Variants in ARHGEF26 observed in about 807,000 individuals in gnomAD.
ARHGEF26 encodes the protein Rho guanine nucleotide exchange factor 26, also known as Rho guanine nucleotide exchange factor (GEF) 26.
Under a neutral mutation model 89.4 loss-of-function variants are expected in ARHGEF26, and 59 were observed. That is an observed-to-expected ratio of 0.66 (90% CI 0.54 to 0.82). The LOEUF (loss-of-function observed/expected upper bound fraction) is 0.82, where lower values mean the gene tolerates loss of function less well. Ranked by LOEUF, ARHGEF26 falls within the 40% of genes least tolerant of loss-of-function variation. ARHGEF26 has a pLI of 0.00. For synonymous variants in ARHGEF26, 500 were observed against 428.4 expected, an observed-to-expected ratio of 1.17 and a Z score of -2.06; for missense variants, 1,234 against 1,085.6, an observed-to-expected ratio of 1.14 and a Z score of -1.92.
chr3:154,125,686 T>C lies in ARHGEF26; in HGVS notation c.1123+1237T>C, dbSNP rs148533793. On this transcript the variant is annotated intron_variant, in intron 3 of 14. Transcript: ENST00000465093. ...TTAGATTTTTTTTGAAGTCAGAGAG[T>C]AGACTTCATTATAACTAGTTTTACG... is the stretch of plus-strand genomic sequence containing the variant. 5.3e-4 allele frequency among the ~76,000 whole-genome samples: 80 copies of C among 152,218 alleles called. 1 individual carries two copies. The East Asian group carries it at 0.013, about 24-fold the overall frequency.
chr3:154,229,460 A>T (rs562590630), intron 11 of ARHGEF26, among the ~76,000 whole-genome samples: 1 of 152,200 alleles, frequency 6.6e-6, no homozygotes, highest in Admixed American at 6.5e-5. Context: ...AAAAGGATAC[A>T]TGATTGATTA....
At chr3:154,254,217 A>G (rs1393713181) in intron 13 of ARHGEF26, among the ~76,000 whole-genome samples, 1 of 152,196 alleles carries the variant, frequency 6.6e-6, no homozygotes, top group Non-Finnish European at 1.5e-5. Flanking sequence ...GCCCGGCCAC[A>G]TGTCAGCATT....
chr3:154,249,216 CCTGT>C (rs1361324894), intron 12 of ARHGEF26, among the ~76,000 whole-genome samples: 1 of 152,176 alleles, frequency 6.6e-6, no homozygotes, highest in Non-Finnish European at 1.5e-5. Context: ...CACCTGCAGC[CCTGT>C]CTCTGTGATT....
At chr3:154,214,820 C>G (rs1715616059) in intron 9 of ARHGEF26, among the ~76,000 whole-genome samples, 1 of 152,146 alleles carries the variant, frequency 6.6e-6, no homozygotes, top group African/African-American at 2.4e-5. Context: ...TTGCTCCTGT[C>G]TCACACCTAG....
Position 154,228,441 on chromosome 3 carries a change from TTTTTTTTTCTTTTTC to T in ARHGEF26, c.2090+2455_2090+2469del, listed in dbSNP as rs1384463866. On this transcript the variant is annotated intron_variant, in intron 11 of 14. Coordinates refer to ENST00000465093, the MANE Select transcript of ARHGEF26 (RefSeq NM_015595.4). ...CGTGAGCCACCGCACCTGGCCTTTT[TTTTTTTTTCTTTTTC>T]TTTTTTTTCTTTTTCTTTTTTTTAA... 1.1e-3 allele frequency among the ~76,000 whole-genome samples: 172 copies of T among 151,818 alleles called. 1 individual carries two copies. Among genetic ancestry groups the T allele is most frequent in the East Asian group, 3.9e-3 (20 of 5,164 alleles).
intron 12 of ARHGEF26, among the ~76,000 whole-genome samples, chr3:154,249,741 T>C (rs1020539124): frequency 1.3e-5 from 2 of 152,212 alleles, no homozygotes; most frequent in African/African-American, 2.4e-5. Flanking sequence ...AAAGTTGATA[T>C]GCCACAGATG....
intron 6 of ARHGEF26, among the ~76,000 whole-genome samples, chr3:154,154,443 T>G: frequency 6.6e-6 from 1 of 152,014 alleles, no homozygotes; most frequent in Non-Finnish European, 1.5e-5. Context: ...CCATAGACAC[T>G]CCAAATTTAT....
In ARHGEF26 at chr3:154,256,971, CTGTTCTA is replaced by C; in HGVS notation, c.*1500_*1506del. The stretch of plus-strand genomic sequence containing the variant: ...TTTTACTGGCAGCTATATTCCCTCT[CTGTTCTA>C]TTTGCTTTAACAAAGGGATAAAACC... On this transcript the variant is annotated 3_prime_UTR_variant, in exon 15 of 15. Transcript: ENST00000465093. The C allele has an allele frequency of 6.5e-7, 1 of 1,528,074 alleles. No individual in the cohort carries two copies. Among genetic ancestry groups the C allele is most frequent in the South Asian group, 1.2e-5 (1 of 82,578 alleles). The allele number at this position is 1,528,074 out of a possible 1,614,324, so 94.7% of individuals were successfully genotyped here.
chr3:154,175,134 C>CT (rs1338747392), intron 6 of ARHGEF26, among the ~76,000 whole-genome samples: 1 of 152,158 alleles, frequency 6.6e-6, no homozygotes, highest in Non-Finnish European at 1.5e-5. Context: ...TTTTGAAAGT[C>CT]TAAGAAAATG....
intron 4 of ARHGEF26, among the ~76,000 whole-genome samples, chr3:154,140,351 C>A (rs1435988411): frequency 6.6e-6 from 1 of 152,142 alleles, no homozygotes; most frequent in Non-Finnish European, 1.5e-5. Flanking sequence ...TTAAATGCGG[C>A]TGCTAGTTAA....
chr3:154,132,642 T>C (rs1243207625), intron 4 of ARHGEF26, among the ~76,000 whole-genome samples: 1 of 152,108 alleles, frequency 6.6e-6, no homozygotes, highest in East Asian at 1.9e-4. Context: ...ATCTGACCCC[T>C]CCTGGTAGTG....
intron 9 of ARHGEF26, among the ~76,000 whole-genome samples, chr3:154,203,531 G>T (rs1714797198): frequency 1.3e-5 from 2 of 152,154 alleles, no homozygotes; most frequent in Admixed American, 6.5e-5. Context: ...TCAAATAATG[G>T]TGGTGAAAGT....
chr3:154,156,513 G>A (rs1218930207), intron 6 of ARHGEF26, among the ~76,000 whole-genome samples: 4 of 152,026 alleles, frequency 2.6e-5, no homozygotes, highest in Non-Finnish European at 5.9e-5. Context: ...ATCTGCCTTT[G>A]TAATAATTTG....
chr3:154,199,096 G>C (rs1179149357), intron 9 of ARHGEF26, among the ~76,000 whole-genome samples: 1 of 151,668 alleles, frequency 6.6e-6, no homozygotes, highest in Non-Finnish European at 1.5e-5. Flanking sequence ...TAAAATGTAG[G>C]GGGTTATTAT....
In ARHGEF26 at chr3:154,169,400, C is replaced by G. The variant is rs912881749; in HGVS notation, c.1487+16468C>G. Among the ~76,000 whole-genome samples the G allele has an allele frequency of 2.0e-5, 3 of 152,130 alleles. No individual in the cohort carries two copies. The South Asian group carries it at 6.2e-4, about 32-fold the overall frequency. On this transcript the variant is annotated intron_variant, in intron 6 of 14. Coordinates refer to ENST00000465093, the MANE Select transcript of ARHGEF26 (RefSeq NM_015595.4). ...AAAAAAAAATGTGTTTCCTGACACG[C>G]GTGTTTCCAGCTGAGGTTGAACAAG...
chr3:154,215,717 G>A (rs986191292), intron 9 of ARHGEF26, among the ~76,000 whole-genome samples: 4 of 152,122 alleles, frequency 2.6e-5, no homozygotes, highest in Non-Finnish European at 5.9e-5. Context: ...TCCTCACATG[G>A]TGGAGAGAGA....
intron 7 of ARHGEF26, among the ~76,000 whole-genome samples, chr3:154,188,817 T>G (rs2108180655): frequency 9.5e-6 from 1 of 105,502 alleles, no homozygotes; most frequent in African/African-American, 4.1e-5. Flanking sequence ...CCTCCACATC[T>G]TCATGACATT....
rs933543077 is a variant in ARHGEF26, at chr3:154,256,549, A to T, written c.*1076A>T. 1.2e-4 allele frequency: 95 copies of T among 800,630 alleles called. No individual in the cohort carries two copies. In the East Asian group the frequency reaches 1.3e-3, roughly 11 times the overall value. The allele number at this position is 800,630 out of a possible 1,614,324, so 49.6% of individuals were successfully genotyped here. A position where few individuals can be genotyped will look rare whatever the true frequency, so the allele number is the denominator to read the frequency against. Reference sequence around the variant, plus strand: ...TGCCCAGCCTACTTTCTAATTAATTAAAAAAAAAAAAAAAAAAAAAAAAAA... The same window carrying T: ...TGCCCAGCCTACTTTCTAATTAATTTAAAAAAAAAAAAAAAAAAAAAAAAA... On this transcript the variant is annotated 3_prime_UTR_variant, in exon 15 of 15. Coordinates refer to ENST00000465093, the MANE Select transcript of ARHGEF26 (RefSeq NM_015595.4).
intron 6 of ARHGEF26, among the ~76,000 whole-genome samples, chr3:154,167,010 CTTAAG>C (rs1712084164): frequency 2.6e-5 from 4 of 152,120 alleles, no homozygotes; most frequent in Non-Finnish European, 5.9e-5. Context: ...CAGCCAGAGT[CTTAAG>C]AATAACACCG....
Sources: allele counts gnomAD v4.1 joint callset (sites outside exome capture counted in the v4.1 genomes callset), GRCh38; gene constraint gnomAD v4.1.1; transcripts MANE v1.5; gene names NCBI Gene and HGNC (gene_info 2026-07-23, HGNC 2026-07-21).